USP47: variants seen among roughly 807,000 people sequenced by gnomAD.
USP47 encodes ubiquitin specific peptidase 47.
In USP47, 35 loss-of-function variants were observed where a neutral mutation model predicts 165.1. That is an observed-to-expected ratio of 0.21 (90% CI 0.16 to 0.28). The LOEUF (loss-of-function observed/expected upper bound fraction) is 0.28. Ranked by LOEUF, USP47 falls within the 10% of genes least tolerant of loss-of-function variation. The pLI is 1.00. For synonymous variants in USP47, 531 were observed against 544.5 expected (o/e 0.98, Z 0.35); for missense variants, 1,277 against 1,607.4 (o/e 0.79, Z 3.52).
chr11:11,909,531 T>G (rs1043269352), intron 8 of USP47, among the ~76,000 whole-genome samples: 1 of 152,168 alleles, frequency 6.6e-6, no homozygotes, highest in African/African-American at 2.4e-5. Context: ...TCTAAGGAAG[T>G]GCTTTTTTAT....
At position 11,942,410 on chromosome 11, in the gene USP47, C is replaced by T. The variant is rs776185891; in HGVS notation, c.2389C>T (p.Arg797Trp). ...CTCTCATTTATGGAAACTCCTGGAT[C>T]GGCATGCAAATACAATCAGATTATT... Reference protein sequence around the residue: ...ADSHLWKLLDRHANTIRLFVL... With the variant: ...ADSHLWKLLDWHANTIRLFVL... The change falls in exon 20 of 28, where the codon CGG becomes TGG. Residue 797 changes from arginine to tryptophan, a missense_variant. Physicochemically the swap from Arg to Trp is moderately radical, Grantham distance 101 (BLOSUM62 -3). Around this residue, in one of 4 missense-constraint regions of USP47, gnomAD observed 909 missense variants for 1,068.1 expected, o/e 0.85. Coordinates refer to ENST00000527733, the MANE Select transcript of USP47 (RefSeq NM_001282659.2). 11 of 1,613,254 alleles carry T rather than the reference C, an allele frequency of 6.8e-6. No homozygotes were observed. Among genetic ancestry groups the T allele is most frequent in the Non-Finnish European group, 9.3e-6 (11 of 1,179,630 alleles).
chr11:11,856,656 C>A (rs1429891298), intron 1 of USP47: 1 of 152,150 alleles, frequency 6.6e-6, no homozygotes, highest in Non-Finnish European at 1.5e-5. Flanking sequence ...GAAGTTCTCA[C>A]AACTGATGCT....
intron 11 of USP47, among the ~76,000 whole-genome samples, chr11:11,928,683 ATC>A (rs1854433191): frequency 6.6e-6 from 1 of 152,048 alleles, no homozygotes; most frequent in South Asian, 2.1e-4. Context: ...AGTCTCTAGT[ATC>A]TCAAACTGTC....
intron 1 of USP47, among the ~76,000 whole-genome samples, chr11:11,859,816 G>T (rs1849269875): frequency 6.6e-6 from 1 of 152,036 alleles, no homozygotes. Context: ...GAAAAACTAT[G>T]TGGATGGCCA....
intron 1 of USP47, among the ~76,000 whole-genome samples, chr11:11,843,360 A>C (rs1204718140): frequency 6.6e-6 from 1 of 152,216 alleles, no homozygotes; most frequent in African/African-American, 2.4e-5. Context: ...CGATTTTTGT[A>C]AAAGGCAGAG....
At chr11:11,953,888 C>A (rs946502684) in intron 25 of USP47, among the ~76,000 whole-genome samples, 2 of 151,992 alleles carry the variant, frequency 1.3e-5, no homozygotes, top group African/African-American at 2.4e-5. Flanking sequence ...TGATTTTTTT[C>A]AAGTTCAGTT....
chr11:11,921,774 A>T (rs953477707), intron 10 of USP47, among the ~76,000 whole-genome samples: 7 of 151,894 alleles, frequency 4.6e-5, no homozygotes, highest in Non-Finnish European at 1.0e-4. Context: ...TTCCTAGAGA[A>T]TTCTAGGTTT....
rs565027819 is a variant in USP47 at position 11,914,877 on chromosome 11, T to C, written c.970-5279T>C. On this transcript the variant is annotated intron_variant, in intron 8 of 27. Coordinates refer to ENST00000527733, the MANE Select transcript of USP47 (RefSeq NM_001282659.2). ...AAATCTGGTGACTATGTGGAGAAACTGTATCACACATACACTGCTGGTGGG... is the reference window on the plus strand; with the variant it reads ...AAATCTGGTGACTATGTGGAGAAACCGTATCACACATACACTGCTGGTGGG... Among the ~76,000 whole-genome samples, 4 of 152,302 alleles carry C rather than the reference T, an allele frequency of 2.6e-5. No homozygotes were observed. The South Asian group carries it at 8.3e-4, about 32-fold the overall frequency.
rs558673933 is a variant in USP47, at chr11:11,841,998, C to T, written c.-188C>T. 5.6e-3 allele frequency: 3,129 copies of T among 556,716 alleles called. 11 individuals carry two copies. Among genetic ancestry groups the T allele is most frequent in the Non-Finnish European group, 7.1e-3 (2,366 of 333,298 alleles). The allele number at this position is 556,716 out of a possible 1,614,324, so 34.5% of individuals were successfully genotyped here. On this transcript the variant is annotated 5_prime_UTR_variant, in exon 1 of 28. Transcript: ENST00000527733. Reference sequence around the variant, plus strand: ...ACGAAGGCGGCTGTGGTAGCGGCGGCGGCGGCGGCGGAGCCCTGGGTCGGT... The same window carrying T: ...ACGAAGGCGGCTGTGGTAGCGGCGGTGGCGGCGGCGGAGCCCTGGGTCGGT...
intron 20 of USP47, 63 bp downstream of exon 20, chr11:11,943,175 A>C (rs761808159): frequency 2.6e-6 from 4 of 1,522,014 alleles, no homozygotes; most frequent in Non-Finnish European, 3.5e-6. Flanking sequence ...AGTTTATTTA[A>C]ATTTTCAGTT....
chr11:11,878,470 A>G (rs1385189384), intron 1 of USP47, among the ~76,000 whole-genome samples: 1 of 152,196 alleles, frequency 6.6e-6, no homozygotes, highest in Non-Finnish European at 1.5e-5. Flanking sequence ...GCATTTTTAA[A>G]AAGATCTATT....
At chr11:11,947,575 C>T (rs1433523802) in intron 20 of USP47, among the ~76,000 whole-genome samples, 3 of 152,144 alleles carry the variant, frequency 2.0e-5, no homozygotes, top group Non-Finnish European at 4.4e-5. Flanking sequence ...AGGCTGGCGC[C>T]GTGTCCCATA....
intron 19 of USP47, among the ~76,000 whole-genome samples, chr11:11,941,306 G>A (rs935029457): frequency 6.8e-6 from 1 of 146,852 alleles, no homozygotes; most frequent in African/African-American, 2.6e-5. Context: ...ATCCCCTCCA[G>A]TACATTACTT....
chr11:11,864,174 A>T (rs79313271), intron 1 of USP47, among the ~76,000 whole-genome samples: 7,579 of 152,060 alleles, frequency 0.05, 472 homozygotes, highest in African/African-American at 0.15. Context: ...AGTTAAAAAA[A>T]TTTTTTTGTA....
chr11:11,924,258 C>T (rs909451114), intron 11 of USP47, among the ~76,000 whole-genome samples: 6 of 152,048 alleles, frequency 3.9e-5, no homozygotes, highest in African/African-American at 1.4e-4. Flanking sequence ...CTTCTTCAGC[C>T]TGAATTACAT....
At chr11:11,953,027 T>C (rs1856325301) in intron 25 of USP47, among the ~76,000 whole-genome samples, 156 bp downstream of exon 25, 1 of 152,216 alleles carries the variant, frequency 6.6e-6, no homozygotes, top group African/African-American at 2.4e-5. Flanking sequence ...CCTTTCTTTT[T>C]GGTTTCTGTC....
chr11:11,870,653 G>A (rs1849976996), intron 1 of USP47, among the ~76,000 whole-genome samples: 2 of 152,068 alleles, frequency 1.3e-5, no homozygotes, highest in Non-Finnish European at 2.9e-5. Context: ...ATTGGATTCT[G>A]GTTTGACGGT....
Position 11,879,760 on chromosome 11 carries a change from AT to A in USP47, c.40-408del, listed in dbSNP as rs956075580. On this transcript the variant is annotated intron_variant, in intron 1 of 27. Coordinates refer to ENST00000527733, the MANE Select transcript of USP47 (RefSeq NM_001282659.2). ...CTTACTGCATTTTTGCACAATTCCC[AT>A]TTTTTTTTAGGAGACCCAGAAATAT... Among the ~76,000 whole-genome samples the A allele has an allele frequency of 1.1e-4, 16 of 150,424 alleles. 1 individual carries two copies. The Middle Eastern group carries it at 0.01, about 98-fold the overall frequency.
In USP47 at chr11:11,943,129, A is replaced by T; in HGVS notation, c.3091+17A>T. 2 of 1,575,986 alleles carry T rather than the reference A, an allele frequency of 1.3e-6. No homozygotes were observed. The highest frequency in any genetic ancestry group is 1.7e-6 in the Non-Finnish European group (2 of 1,163,566). ...GACATAAATGTATGTACTTCAAAAG[A>T]AAAACGGTCCTTGAAACAGCATCAG... On this transcript the variant is annotated intron_variant, in intron 20 of 27. Coordinates refer to ENST00000527733, the MANE Select transcript of USP47 (RefSeq NM_001282659.2).
Sources: gnomAD v4.1 joint callset for allele counts (sites outside exome capture counted in the v4.1 genomes callset) on GRCh38, gnomAD v4.1.1 for gene constraint, gnomAD v4.1.1 regional missense constraint, MANE v1.5 for transcripts, NCBI Gene and HGNC (gene_info 2026-07-23, HGNC 2026-07-21) for gene names.